ERVFRD-1: variants seen among roughly 807,000 people sequenced by gnomAD.
ERVFRD-1 encodes the protein syncytin-2.
ERVFRD-1 carries 33 observed loss-of-function variants against 43.8 expected under a neutral mutation model. That is an observed-to-expected ratio of 0.75 (90% CI 0.57 to 1.01). The LOEUF (loss-of-function observed/expected upper bound fraction) is 1.01, where lower values mean the gene tolerates loss of function less well. Among genes scored for constraint, ERVFRD-1 ranks in the 50% least tolerant of loss-of-function variants. The probability of loss-of-function intolerance (pLI) is 0.00; values close to 1 mark genes in which losing one functional copy is unlikely to be tolerated. For synonymous variants in ERVFRD-1, 239 were observed against 244.4 expected (o/e 0.98, Z 0.21); for missense variants, 568 against 658.4 (o/e 0.86, Z 1.50).
rs1758169360 is a variant in ERVFRD-1 at position 11,111,660 on chromosome 6, G to A, written c.-321+17C>T. The stretch of plus-strand genomic sequence containing the variant: ...AACGCCTCCAGCCGAAGAAGGCAAG[G>A]CGTAGAGGTGTCTTACCACTAGGGA... On this transcript the variant is annotated intron_variant, in intron 1 of 1. Transcript: ENST00000472091. The A allele has an allele frequency of 6.6e-6, 1 of 152,428 alleles. No homozygotes were observed. Among genetic ancestry groups the A allele is most frequent in the Admixed American group, 6.5e-5 (1 of 15,294 alleles). The allele number at this position is 152,428 out of a possible 1,614,324, so 9.4% of individuals were successfully genotyped here. A position where few individuals can be genotyped will look rare whatever the true frequency, so the allele number is the denominator to read the frequency against.
At position 11,103,278 on chromosome 6, in the gene ERVFRD-1, G is replaced by A. The variant is rs1758023198; in HGVS notation, c.*416C>T. On this transcript the variant is annotated 3_prime_UTR_variant, in exon 2 of 2. Coordinates refer to ENST00000472091, the MANE Select transcript of ERVFRD-1 (RefSeq NM_207582.3). ...GGAAGTGGCTGATCACCAGCTTCAG[G>A]TGTTTCCTATCTATTGGGAGGCCAT... 5.9e-6 allele frequency: 1 copy of A among 170,476 alleles called. No homozygotes were observed. The highest frequency in any genetic ancestry group is 2.4e-5 in the African/African-American group (1 of 41,962). 10.6% of individuals were successfully genotyped at this position (170,476 alleles called of 1,614,324 possible).
chr6:11,109,902 C>G (rs950210305), intron 1 of ERVFRD-1, among the ~76,000 whole-genome samples: 4 of 152,104 alleles, frequency 2.6e-5, no homozygotes, highest in African/African-American at 9.7e-5. Context: ...TCCCTACTGT[C>G]TTTTTCCTGA....
rs777249081 is a variant in ERVFRD-1 at position 11,105,242 on chromosome 6, C to T, written c.69G>A (p.Pro23=). Residue 23 remains proline (P), a synonymous_variant, in exon 2 of 2, where the codon CCG becomes CCA. Transcript: ENST00000472091. The part of the protein sequence containing the change: ...SLAAYRHPDF[P]LLEKAQQLLQ... Reference sequence around the variant, plus strand: ...GCAGTTGCTGAGCTTTTTCCAATAACGGGAAATCAGGATGGCGGTAGGCTG... The same window carrying T: ...GCAGTTGCTGAGCTTTTTCCAATAATGGGAAATCAGGATGGCGGTAGGCTG... The T allele has an allele frequency of 1.0e-4, 167 of 1,614,034 alleles. No homozygotes were observed. The Admixed American group carries it at 2.2e-3, about 21-fold the overall frequency.
Position 11,103,751 on chromosome 6 carries a change from G to C in ERVFRD-1, c.1560C>G (p.Leu520=). The C allele has an allele frequency of 6.4e-7, 1 of 1,551,668 alleles. No homozygotes were observed. The highest frequency in any genetic ancestry group is 8.7e-7 in the Non-Finnish European group (1 of 1,146,976). Residue 520 remains leucine (L), a synonymous_variant, in exon 2 of 2, where the codon CTC becomes CTG. Coordinates refer to ENST00000472091, the MANE Select transcript of ERVFRD-1 (RefSeq NM_207582.3). ...GGCGTCCTGCACTGAGATTCGTCTG[G>C]AGCTTTATGGCCTGAAGGCGAGAGG... The part of the protein sequence containing the change: ...FVSSRLQAIK[L]QTNLSAGRHP...
Position 11,104,907 on chromosome 6 carries a change from G to A in ERVFRD-1, c.404C>T (p.Thr135Ile), listed in dbSNP as rs1399947428. The stretch of plus-strand genomic sequence containing the variant: ...TGTACTTGGAAGAGTGCCTACATTT[G>A]TTCCATTTTTCCTTTTGGCCATAAC... ...ICVMAKRKNG[T>I]NVGTLPSTVC... Residue 135 changes from threonine (T) to isoleucine (I), a missense_variant, in exon 2 of 2, where the codon ACA becomes ATA. Physicochemically the swap from Thr to Ile is moderately conservative, Grantham distance 89. Coordinates refer to ENST00000472091, the MANE Select transcript of ERVFRD-1 (RefSeq NM_207582.3). 1 of 1,614,182 alleles carries A rather than the reference G, an allele frequency of 6.2e-7. No individual in the cohort carries two copies. The highest frequency in any genetic ancestry group is 1.1e-5 in the South Asian group (1 of 91,080).
chr6:11,106,785 A>G (rs183209841), intron 1 of ERVFRD-1, among the ~76,000 whole-genome samples: 25 of 152,256 alleles, frequency 1.6e-4, no homozygotes, highest in African/African-American at 5.5e-4. Flanking sequence ...GGTGTCCTTT[A>G]CTGTGCACTA....
rs1758029946 is a variant in ERVFRD-1 at position 11,103,523 on chromosome 6, C to G, written c.*171G>C. 1.0e-6 allele frequency: 1 copy of G among 966,874 alleles called. No homozygotes were observed. Among genetic ancestry groups the G allele is most frequent in the African/African-American group, 1.6e-5 (1 of 61,216 alleles). The allele number at this position is 966,874 out of a possible 1,614,324, so 59.9% of individuals were successfully genotyped here. A position where few individuals can be genotyped will look rare whatever the true frequency, so the allele number is the denominator to read the frequency against. ...AAGGTCAGTCTTCTTTAACTGCTTCCTGCTGACAGAGGGGCTGTAGTGGTT... is the reference window on the plus strand; with the variant it reads ...AAGGTCAGTCTTCTTTAACTGCTTCGTGCTGACAGAGGGGCTGTAGTGGTT... On this transcript the variant is annotated 3_prime_UTR_variant, in exon 2 of 2. Transcript: ENST00000472091.
chr6:11,108,275 C>G (rs184734487), intron 1 of ERVFRD-1, among the ~76,000 whole-genome samples: 5 of 152,306 alleles, frequency 3.3e-5, no homozygotes, highest in African/African-American at 1.2e-4. Flanking sequence ...AGCAGGCAGC[C>G]CTCATGTCCA....
At chr6:11,111,434 C>A (rs1319165104) in intron 1 of ERVFRD-1, among the ~76,000 whole-genome samples, 2 of 152,194 alleles carry the variant, frequency 1.3e-5, no homozygotes. Flanking sequence ...TCATCAGCCT[C>A]CTGTCTGGGG....
In ERVFRD-1 at chr6:11,103,929, C is replaced by T; in HGVS notation, c.1382G>A (p.Ser461Asn). 1.3e-6 allele frequency: 2 copies of T among 1,551,652 alleles called. No homozygotes were observed. The highest frequency in any genetic ancestry group is 1.7e-6 in the Non-Finnish European group (2 of 1,146,996). ...NIRQLLNQAS[S>N]LRERATQGWL... ...ACCCTGAGTGGCTCGTTCCCGTAAA[C>T]TGGAGGCTTGATTTAGGAGTTGTCT... The change falls in exon 2 of 2, where the codon AGT (serine) becomes AAT (asparagine). Residue 461 changes from serine (S) to asparagine (N), a missense_variant. By Grantham distance (46) the Ser-to-Asn change is conservative. Coordinates refer to ENST00000472091, the MANE Select transcript of ERVFRD-1 (RefSeq NM_207582.3).
At chr6:11,111,399 G>C (rs928512667) in intron 1 of ERVFRD-1, among the ~76,000 whole-genome samples, 1 of 152,186 alleles carries the variant, frequency 6.6e-6, no homozygotes, top group Non-Finnish European at 1.5e-5. Context: ...ATACTACATG[G>C]TTGTAGGTTT....
In ERVFRD-1 at chr6:11,105,505, C is replaced by G. The variant is rs1758072384; in HGVS notation, c.-195G>C. The G allele has an allele frequency of 7.1e-6, 4 of 563,834 alleles. No individual in the cohort carries two copies. Among genetic ancestry groups the G allele is most frequent in the Non-Finnish European group, 1.3e-5 (4 of 309,052 alleles). 34.9% of individuals were successfully genotyped at this position (563,834 alleles called of 1,614,324 possible). ...TTTTGTTTAAAGAGGAATTTTAGATCTTCCAGTGCCTTGCAAGTGTATTCC... is the reference window on the plus strand; with the variant it reads ...TTTTGTTTAAAGAGGAATTTTAGATGTTCCAGTGCCTTGCAAGTGTATTCC... On this transcript the variant is annotated 5_prime_UTR_variant, in exon 2 of 2. Transcript: ENST00000472091.
In ERVFRD-1 at chr6:11,104,111, C is replaced by T. The variant is rs1467374171; in HGVS notation, c.1200G>A (p.Thr400=). 14 of 1,551,000 alleles carry T rather than the reference C, an allele frequency of 9.0e-6. No homozygotes were observed. Among genetic ancestry groups the T allele is most frequent in the South Asian group, 6.0e-5 (5 of 84,020 alleles). The change falls in exon 2 of 2, where the codon ACG becomes ACA. Residue 400 remains threonine (T), a synonymous_variant. Coordinates refer to ENST00000472091, the MANE Select transcript of ERVFRD-1 (RefSeq NM_207582.3). The part of the protein sequence containing the change: ...NNIDTMAKAL[T]TMQEQIDSLA... ...AAGAGTCGATTTGTTCTTGCATGGT[C>T]GTTAAGGCTTTAGCCATGGTGTCAA...
At position 11,105,431 on chromosome 6, in the gene ERVFRD-1, G is replaced by C; in HGVS notation, c.-121C>G. 9 of 715,494 alleles carry C rather than the reference G, an allele frequency of 1.3e-5. No individual in the cohort carries two copies. The East Asian group carries it at 2.4e-4, about 19-fold the overall frequency. The allele number at this position is 715,494 out of a possible 1,614,324, so 44.3% of individuals were successfully genotyped here. On this transcript the variant is annotated 5_prime_UTR_variant, in exon 2 of 2. In the 5' UTR this introduces an upstream ATG that the reference lacks. Coordinates refer to ENST00000472091, the MANE Select transcript of ERVFRD-1 (RefSeq NM_207582.3). The stretch of plus-strand genomic sequence containing the variant: ...TTGCCAGTAAAATTTCTAGTATTGG[G>C]ATCACCTTACTTTGAGGTGAAAGGA...
In ERVFRD-1 at chr6:11,104,144, G is replaced by C. The variant is rs1340629132; in HGVS notation, c.1167C>G (p.Ala389=). 1.3e-6 allele frequency: 2 copies of C among 1,549,790 alleles called. No individual in the cohort carries two copies. Among genetic ancestry groups the C allele is most frequent in the Admixed American group, 3.9e-5 (2 of 50,920 alleles). Residue 389 remains alanine (A), a synonymous_variant, in exon 2 of 2, where the codon GCC becomes GCG. Coordinates refer to ENST00000472091, the MANE Select transcript of ERVFRD-1 (RefSeq NM_207582.3). ...CTTTAGCCATGGTGTCAATGTTGTT[G>C]GCTATTTCCTTTGAGAGCTGGCTAT... ...LTYSQLSKEI[A]NNIDTMAKAL...
At chr6:11,107,831 C>A (rs1758109755) in intron 1 of ERVFRD-1, among the ~76,000 whole-genome samples, 1 of 152,176 alleles carries the variant, frequency 6.6e-6, no homozygotes, top group Non-Finnish European at 1.5e-5. Flanking sequence ...TGAAATTTTT[C>A]AGTCAGAAGC....
chr6:11,103,838 A>T lies in ERVFRD-1; in HGVS notation c.1473T>A (p.Val491=). The T allele has an allele frequency of 1.3e-6, 2 of 1,551,704 alleles. No homozygotes were observed. Among genetic ancestry groups the T allele is most frequent in the Non-Finnish European group, 1.7e-6 (2 of 1,146,986 alleles). The change falls in exon 2 of 2, where the codon GTT becomes GTA. Residue 491 remains valine, a synonymous_variant. Coordinates refer to ENST00000472091, the MANE Select transcript of ERVFRD-1 (RefSeq NM_207582.3). ...CAAAAAGGAGCAAAAGTAGGAGACT[A>T]ACAAGTGGGCCTGTAAGGGGAAGAA... The part of the protein sequence containing the change: ...SWVLPLTGPL[V]SLLLLLLFGP...
rs1758071849 is a variant in ERVFRD-1, at chr6:11,105,466, G to A, written c.-156C>T. On this transcript the variant is annotated 5_prime_UTR_variant, in exon 2 of 2. Transcript: ENST00000472091. ...CTTTGAGGTGAAAGGATGTTGGTGG[G>A]GCATTACTTATCTTTTTGTTTAAAG... 1 of 607,410 alleles carries A rather than the reference G, an allele frequency of 1.6e-6. No individual in the cohort carries two copies. Among genetic ancestry groups the A allele is most frequent in the Non-Finnish European group, 2.9e-6 (1 of 340,264 alleles). The allele number at this position is 607,410 out of a possible 1,614,324, so 37.6% of individuals were successfully genotyped here. A position where few individuals can be genotyped will look rare whatever the true frequency, so the allele number is the denominator to read the frequency against.
At position 11,104,631 on chromosome 6, in the gene ERVFRD-1, C is replaced by T. The variant is rs748546197; in HGVS notation, c.680G>A (p.Trp227Ter). ...QISNLSSTAE[W>*]VLLDQTRNSL... ...ATTTCGAGTTTGGTCCAATAGAACC[C>T]ATTCCGCTGTAGAGCTGAGGTTGGA... The change falls in exon 2 of 2, where the codon TGG becomes TAG. Residue 227 changes from tryptophan (W) to a stop codon, truncating the protein, a stop_gained. Transcript: ENST00000472091. LOFTEE classifies it high-confidence loss of function. 1.2e-6 allele frequency: 2 copies of T among 1,614,202 alleles called. No homozygotes were observed. The highest frequency in any genetic ancestry group is 4.5e-5 in the East Asian group (2 of 44,890).
Sources: gnomAD v4.1 joint callset for allele counts (sites outside exome capture counted in the v4.1 genomes callset) on GRCh38, gnomAD v4.1.1 for gene constraint, MANE v1.5 for transcripts, NCBI Gene and HGNC (gene_info 2026-07-23, HGNC 2026-07-21) for gene names.